Variants in ARHGAP15 observed in about 807,000 individuals in gnomAD.
ARHGAP15 encodes Rho GTPase activating protein 15.
In ARHGAP15, 51 loss-of-function variants were observed where a neutral mutation model predicts 63.7. The ratio of observed to expected loss-of-function variants is 0.80; its 90% CI spans 0.64 to 1.01. The LOEUF (loss-of-function observed/expected upper bound fraction) is 1.01, where lower values mean the gene tolerates loss of function less well. Among genes scored for constraint, ARHGAP15 ranks in the 50% least tolerant of loss-of-function variants. The pLI is 0.00. For missense variants in ARHGAP15, 560 were observed against 564.6 expected, an observed-to-expected ratio of 0.99 and a Z score of 0.08; for synonymous variants, 191 against 193.8, an observed-to-expected ratio of 0.99 and a Z score of 0.12.
chr2:143,574,357 G>A (rs1388370572), intron 11 of ARHGAP15, among the ~76,000 whole-genome samples: 1 of 152,076 alleles, frequency 6.6e-6, no homozygotes, highest in Non-Finnish European at 1.5e-5. Flanking sequence ...TTTGGAAGCA[G>A]GTCATTTGCT....
chr2:143,460,617 G>A (rs1208940324), intron 8 of ARHGAP15, among the ~76,000 whole-genome samples: 1 of 152,046 alleles, frequency 6.6e-6, no homozygotes, highest in African/African-American at 2.4e-5. Context: ...AATTGCATTA[G>A]GGTTATCATT....
chr2:143,570,577 A>C (rs1280913984), intron 11 of ARHGAP15, among the ~76,000 whole-genome samples: 1 of 152,214 alleles, frequency 6.6e-6, no homozygotes, highest in Non-Finnish European at 1.5e-5. Flanking sequence ...TTATTAAAGA[A>C]GGTGAGGAAT....
chr2:143,306,789 T>C (rs931365980), intron 6 of ARHGAP15, among the ~76,000 whole-genome samples: 1 of 152,100 alleles, frequency 6.6e-6, no homozygotes, highest in African/African-American at 2.4e-5. Flanking sequence ...TTTCCATCCC[T>C]TTCCCCCAAA....
chr2:143,574,271 G>A (rs529601420), intron 11 of ARHGAP15, among the ~76,000 whole-genome samples: 44 of 152,134 alleles, frequency 2.9e-4, no homozygotes, highest in African/African-American at 1.1e-3. Context: ...TCTAAGAGGT[G>A]GCAACCTTGA....
chr2:143,444,018 T>G (rs963253264), intron 8 of ARHGAP15, among the ~76,000 whole-genome samples: 1 of 152,208 alleles, frequency 6.6e-6, no homozygotes, highest in Admixed American at 6.5e-5. Flanking sequence ...CTCTGACCTG[T>G]GGATGTCCAT....
chr2:143,135,509 G>A (rs1388151482), intron 1 of ARHGAP15, among the ~76,000 whole-genome samples: 1 of 152,108 alleles, frequency 6.6e-6, no homozygotes, highest in African/African-American at 2.4e-5. Context: ...GGTACACAAA[G>A]ATAAGTATCT....
At chr2:143,383,515 G>A (rs911081531) in intron 6 of ARHGAP15, among the ~76,000 whole-genome samples, 4 of 152,118 alleles carry the variant, frequency 2.6e-5, no homozygotes, top group South Asian at 2.1e-4. Context: ...CGTCTCTCTC[G>A]GAAGTGCTTT....
intron 6 of ARHGAP15, among the ~76,000 whole-genome samples, chr2:143,287,182 A>T (rs1055229488): frequency 2.0e-5 from 3 of 152,154 alleles, no homozygotes; most frequent in African/African-American, 7.2e-5. Context: ...TCTAATGCTG[A>T]TATAAAATTT....
intron 9 of ARHGAP15, among the ~76,000 whole-genome samples, chr2:143,510,018 TAAAAAAAAAAAAA>T (rs35469918): frequency 4.5e-4 from 22 of 48,826 alleles, no homozygotes; most frequent in South Asian, 2.9e-3. Flanking sequence ...GACTCCCTCT[TAAAAAAAAAAAAA>T]AAAAAAAAAA....
intron 10 of ARHGAP15, among the ~76,000 whole-genome samples, chr2:143,542,460 T>C (rs1208087961): frequency 6.6e-6 from 1 of 152,014 alleles, no homozygotes; most frequent in Non-Finnish European, 1.5e-5. Flanking sequence ...ACCCATCTTC[T>C]GCGTCACTCA....
At chr2:143,255,765 G>A (rs967118539) in intron 6 of ARHGAP15, among the ~76,000 whole-genome samples, 1 of 152,094 alleles carries the variant, frequency 6.6e-6, no homozygotes, top group Non-Finnish European at 1.5e-5. Context: ...AAATGCAAAA[G>A]GATGATTCTT....
intron 2 of ARHGAP15, among the ~76,000 whole-genome samples, chr2:143,196,945 C>A (rs893082267): frequency 2.6e-5 from 4 of 151,834 alleles, no homozygotes; most frequent in East Asian, 3.9e-4. Flanking sequence ...TAATATTATT[C>A]TTCTATTCAA....
intron 13 of ARHGAP15, among the ~76,000 whole-genome samples, chr2:143,723,133 G>A (rs1685135331): frequency 6.6e-6 from 1 of 152,158 alleles, no homozygotes; most frequent in Non-Finnish European, 1.5e-5. Flanking sequence ...TGCTGTGCAG[G>A]TTTATAGCCT....
chr2:143,406,631 T>C (rs1245326441), intron 6 of ARHGAP15, among the ~76,000 whole-genome samples: 3 of 151,972 alleles, frequency 2.0e-5, no homozygotes, highest in Non-Finnish European at 4.4e-5. Context: ...TTTTGCTTTA[T>C]ATACTTTATT....
chr2:143,436,772 T>G, intron 7 of ARHGAP15, 141 bp from the exon 8 acceptor site: 1 of 733,066 alleles, frequency 1.4e-6, no homozygotes, highest in Non-Finnish European at 2.2e-6. Flanking sequence ...ATTAGAGTAT[T>G]GAGCTTAGCA....
At chr2:143,283,158 T>G (rs1681933732) in intron 6 of ARHGAP15, among the ~76,000 whole-genome samples, 1 of 152,132 alleles carries the variant, frequency 6.6e-6, no homozygotes, top group Non-Finnish European at 1.5e-5. Flanking sequence ...AATGATCAAA[T>G]TTTGCCCTGC....
At chr2:143,671,174 C>A (rs1049933014) in intron 12 of ARHGAP15, among the ~76,000 whole-genome samples, 2 of 152,030 alleles carry the variant, frequency 1.3e-5, no homozygotes, top group African/African-American at 2.4e-5. Context: ...ACACAGCTTT[C>A]GGTTTTCTTT....
At chr2:143,540,195 A>G (rs2105042747) in intron 10 of ARHGAP15, among the ~76,000 whole-genome samples, 1 of 152,212 alleles carries the variant, frequency 6.6e-6, no homozygotes, top group South Asian at 2.1e-4. Flanking sequence ...AGAGACTAGG[A>G]TTGCAACCCC....
intron 6 of ARHGAP15, among the ~76,000 whole-genome samples, chr2:143,348,837 C>T (rs911540673): frequency 6.6e-6 from 1 of 152,130 alleles, no homozygotes; most frequent in South Asian, 2.1e-4. Context: ...GCTGAAAATG[C>T]CAGATCCTTT....
Sources: allele counts gnomAD v4.1 joint callset (sites outside exome capture counted in the v4.1 genomes callset), GRCh38; gene constraint gnomAD v4.1.1; transcripts MANE v1.5; gene names NCBI Gene and HGNC (gene_info 2026-07-23, HGNC 2026-07-21).